Variants in DGLUCY observed in about 807,000 individuals in gnomAD.
DGLUCY encodes D-glutamate cyclase, mitochondrial.
Under a neutral mutation model 58.5 loss-of-function variants are expected in DGLUCY, and 58 were observed. That is an observed-to-expected ratio of 0.99 (90% CI 0.80 to 1.23). The LOEUF (loss-of-function observed/expected upper bound fraction) is 1.23. Ranked by LOEUF, DGLUCY falls within the 50% of genes most tolerant of loss-of-function variation. The pLI is 0.00. For synonymous variants in DGLUCY, 325 were observed against 314.1 expected (o/e 1.03, Z -0.37); for missense variants, 779 against 784.7 (o/e 0.99, Z 0.09).
At chr14:91,158,326 C>T (rs1010034197) in intron 2 of DGLUCY, among the ~76,000 whole-genome samples, 12 of 152,224 alleles carry the variant, frequency 7.9e-5, no homozygotes, top group African/African-American at 2.7e-4. Flanking sequence ...AGCACCCCCT[C>T]CCACTAGCCT....
intron 6 of DGLUCY, among the ~76,000 whole-genome samples, chr14:91,174,136 C>T (rs1423276388): frequency 6.6e-6 from 1 of 152,016 alleles, no homozygotes; most frequent in Non-Finnish European, 1.5e-5. Flanking sequence ...CTCCGTAAAA[C>T]CCCAAGAGGA....
intron 1 of DGLUCY, among the ~76,000 whole-genome samples, chr14:91,071,716 A>C (rs2043922481): frequency 6.6e-6 from 1 of 151,890 alleles, no homozygotes; most frequent in African/African-American, 2.4e-5. Context: ...GAAAACGCAA[A>C]AATTAGTTGG....
exon 1 of DGLUCY, chr14:91,060,422 C>T: frequency 2.7e-6 from 4 of 1,496,324 alleles, no homozygotes; most frequent in Admixed American, 2.0e-5. Context: ...CTGCTGCCAC[C>T]CTCCTCCTCC....
intron 10 of DGLUCY, 51 bp downstream of exon 10, chr14:91,196,525 T>C (rs774697127): frequency 6.9e-7 from 1 of 1,458,690 alleles, no homozygotes; most frequent in Non-Finnish European, 9.6e-7. Flanking sequence ...AACGCCCATA[T>C]GCTCTTCACT....
At chr14:91,118,916 G>C (rs554757771) in intron 1 of DGLUCY, among the ~76,000 whole-genome samples, 1 of 152,028 alleles carries the variant, frequency 6.6e-6, no homozygotes, top group Non-Finnish European at 1.5e-5. Context: ...TTGGGAGTTC[G>C]AAACCAGCCT....
chr14:91,176,958 TTCTC>T (rs72166031), intron 7 of DGLUCY, among the ~76,000 whole-genome samples: 5,684 of 151,872 alleles, frequency 0.037, 356 homozygotes, highest in African/African-American at 0.13. Flanking sequence ...TCTTTCTTCT[TTCTC>T]TCTCTCTCCC....
chr14:91,121,609 AAAT>A (rs55743510), intron 1 of DGLUCY, among the ~76,000 whole-genome samples: 34,263 of 142,486 alleles, frequency 0.24, 4,386 homozygotes, highest in East Asian at 0.47. Flanking sequence ...TCCATCTCAA[AAAT>A]AATAATAATA....
At chr14:91,215,718 C>G in intron 13 of DGLUCY, 162 bp downstream of exon 13, 1 of 1,521,406 alleles carries the variant, frequency 6.6e-7, no homozygotes, top group South Asian at 1.2e-5. Context: ...ATTGGGTGCC[C>G]TTTAAGCTAC....
intron 8 of DGLUCY, among the ~76,000 whole-genome samples, chr14:91,181,681 C>CTTTTTTTTCT (rs2049179384): frequency 7.0e-6 from 1 of 142,146 alleles, no homozygotes. Flanking sequence ...TCTTTTTTTT[C>CTTTTTTTTCT]TTTTTTTTTT....
At chr14:91,152,906 T>A (rs1048708937) in intron 1 of DGLUCY, among the ~76,000 whole-genome samples, 3 of 152,222 alleles carry the variant, frequency 2.0e-5, no homozygotes, top group African/African-American at 7.2e-5. Context: ...TGGTTCTAAA[T>A]ATGATGCTAC....
intron 1 of DGLUCY, among the ~76,000 whole-genome samples, chr14:91,072,737 C>T (rs2043943938): frequency 6.6e-6 from 1 of 151,904 alleles, no homozygotes; most frequent in Non-Finnish European, 1.5e-5. Flanking sequence ...AACTAACAGT[C>T]ATTGCCAGGT....
chr14:91,166,664 CA>C (rs530045050), intron 3 of DGLUCY, among the ~76,000 whole-genome samples: 309 of 138,324 alleles, frequency 2.2e-3, no homozygotes, highest in African/African-American at 6.0e-3. Flanking sequence ...GACTCTGTCT[CA>C]AAAAAAAAAA....
chr14:91,149,127 A>G (rs565132724), intron 1 of DGLUCY, among the ~76,000 whole-genome samples: 58 of 151,594 alleles, frequency 3.8e-4, no homozygotes, highest in African/African-American at 1.3e-3. Flanking sequence ...CATGCCTGTA[A>G]TCCCAGCTAC....
At chr14:91,099,960 G>A (rs1000777409) in intron 1 of DGLUCY, among the ~76,000 whole-genome samples, 2 of 151,594 alleles carry the variant, frequency 1.3e-5, no homozygotes, top group African/African-American at 2.4e-5. Flanking sequence ...AAGCTGAGGC[G>A]GGAGAATTGC....
intron 8 of DGLUCY, among the ~76,000 whole-genome samples, chr14:91,187,252 G>A (rs1273788570): frequency 6.6e-6 from 1 of 151,914 alleles, no homozygotes; most frequent in Non-Finnish European, 1.5e-5. Flanking sequence ...CCCACCTCAG[G>A]CTCCCAAAGT....
At chr14:91,215,881 AC>A in intron 13 of DGLUCY, 1 of 638,878 alleles carries the variant, frequency 1.6e-6, no homozygotes. Flanking sequence ...CGAATGCCTC[AC>A]CCATGGTGGG....
chr14:91,176,416 G>A (rs188236958), intron 7 of DGLUCY, among the ~76,000 whole-genome samples: 29 of 151,990 alleles, frequency 1.9e-4, no homozygotes, highest in African/African-American at 6.3e-4. Context: ...AGTAGAGACG[G>A]GGTTTCACCA....
At chr14:91,134,826 CACTT>C (rs763715204) in intron 1 of DGLUCY, among the ~76,000 whole-genome samples, 7 of 152,178 alleles carry the variant, frequency 4.6e-5, no homozygotes, top group Non-Finnish European at 1.0e-4. Flanking sequence ...TTCCTGAACT[CACTT>C]ACTAATTTTA....
At chr14:91,191,955 T>C (rs2049925798) in intron 9 of DGLUCY, among the ~76,000 whole-genome samples, 1 of 152,158 alleles carries the variant, frequency 6.6e-6, no homozygotes, top group South Asian at 2.1e-4. Flanking sequence ...GAAAAACAGA[T>C]GGCAGTGGCT....
Sources: gnomAD v4.1 joint callset for allele counts (sites outside exome capture counted in the v4.1 genomes callset) on GRCh38, gnomAD v4.1.1 for gene constraint, MANE v1.5 for transcripts, NCBI Gene and HGNC (gene_info 2026-07-23, HGNC 2026-07-21) for gene names.